Variants in WWOX observed in about 807,000 individuals in gnomAD.
The protein encoded by WWOX is WW domain-containing oxidoreductase.
A neutral mutation model predicts 46.2 loss-of-function variants in WWOX; 69 were observed. That is an observed-to-expected ratio of 1.49 (90% CI 1.23 to 1.82). The LOEUF is 1.82. WWOX is among the 40% of genes most tolerant of loss of function. WWOX has a pLI of 0.00. For missense variants in WWOX, 919 were observed against 542.6 expected, an observed-to-expected ratio of 1.69 and a Z score of -6.89; for synonymous variants, 359 against 202.6, an observed-to-expected ratio of 1.77 and a Z score of -6.56.
intron 8 of WWOX, among the ~76,000 whole-genome samples, chr16:78,876,656 T>C (rs1311665761): frequency 2.0e-5 from 3 of 152,190 alleles, no homozygotes; most frequent in Admixed American, 1.3e-4. Context: ...AGGCAGAAGT[T>C]CTGGCTATTA....
intron 8 of WWOX, among the ~76,000 whole-genome samples, chr16:78,989,597 G>C (rs775202865): frequency 6.6e-6 from 1 of 152,170 alleles, no homozygotes; most frequent in Admixed American, 6.6e-5. Flanking sequence ...TGTGTTTGGG[G>C]ATAAATACTG....
intron 4 of WWOX, among the ~76,000 whole-genome samples, chr16:78,140,229 AC>A (rs1184389315): frequency 6.6e-6 from 1 of 152,032 alleles, no homozygotes; most frequent in Non-Finnish European, 1.5e-5. Context: ...GATACAGTCC[AC>A]CCCCTGCACC....
intron 8 of WWOX, among the ~76,000 whole-genome samples, chr16:78,617,096 A>G (rs980275875): frequency 1.3e-5 from 2 of 152,134 alleles, no homozygotes; most frequent in South Asian, 2.1e-4. Context: ...AACCCTCCAC[A>G]TCAACTGGTC....
rs756921125 is a variant in WWOX, at chr16:78,386,887, C to G, written c.544C>G (p.Leu182Val). 1.9e-5 allele frequency: 31 copies of G among 1,613,954 alleles called. No individual in the cohort carries two copies. The highest frequency in any genetic ancestry group is 2.4e-5 in the Non-Finnish European group (28 of 1,179,996). ...TAAAGCCAAGGTAGAAGCAATGACCCTGGACCTCGCTCTGCTCCGTAGCGT... is the reference window on the plus strand; with the variant it reads ...TAAAGCCAAGGTAGAAGCAATGACCGTGGACCTCGCTCTGCTCCGTAGCGT... The part of the protein sequence containing the change: ...WHKAKVEAMT[L>V]DLALLRSVQH... The change falls in exon 6 of 9, where the codon CTG (leucine) becomes GTG (valine). Residue 182 changes from leucine to valine, a missense_variant. By Grantham distance (32) the Leu-to-Val change is conservative. Coordinates refer to ENST00000566780, the MANE Select transcript of WWOX (RefSeq NM_016373.4).
intron 8 of WWOX, among the ~76,000 whole-genome samples, chr16:79,046,984 C>A (rs771562699): frequency 2.6e-5 from 4 of 152,154 alleles, no homozygotes; most frequent in Non-Finnish European, 5.9e-5. Flanking sequence ...GCTACCTGAC[C>A]CCGTGGTTTA....
intron 8 of WWOX, among the ~76,000 whole-genome samples, chr16:78,772,061 G>C (rs780421677): frequency 1.3e-5 from 2 of 152,016 alleles, no homozygotes; most frequent in African/African-American, 4.8e-5. Context: ...TTTATTTTGG[G>C]TTCAGGGGTA....
chr16:78,874,414 C>T (rs926127083), intron 8 of WWOX, among the ~76,000 whole-genome samples: 6 of 152,068 alleles, frequency 3.9e-5, no homozygotes, highest in African/African-American at 1.2e-4. Context: ...TGTCAAGTCC[C>T]GCTCCCTTGG....
chr16:78,516,288 C>G (rs1400303278), intron 8 of WWOX, among the ~76,000 whole-genome samples: 2 of 152,134 alleles, frequency 1.3e-5, no homozygotes, highest in African/African-American at 4.8e-5. Context: ...TACAAGAACA[C>G]TGTCCTGTTA....
chr16:78,932,428 G>C (rs12928676), intron 8 of WWOX, among the ~76,000 whole-genome samples: 33,456 of 152,124 alleles, frequency 0.22, 3,822 homozygotes, highest in South Asian at 0.29. Context: ...CTGCGTCAGA[G>C]AGTTCTTTTT....
chr16:79,111,984 C>A (rs1226388141), intron 8 of WWOX, among the ~76,000 whole-genome samples: 1 of 152,036 alleles, frequency 6.6e-6, no homozygotes, highest in Non-Finnish European at 1.5e-5. Context: ...CTGTTAAGCA[C>A]CATCCCCAAA....
intron 8 of WWOX, among the ~76,000 whole-genome samples, chr16:79,133,371 G>C (rs373981774): frequency 6.6e-6 from 1 of 152,112 alleles, no homozygotes; most frequent in African/African-American, 2.4e-5. Context: ...CCCAATATCA[G>C]TTCCTTAAAT....
Position 78,278,455 on chromosome 16 carries a change from T to G in WWOX, c.517-108405T>G. On this transcript the variant is annotated intron_variant, in intron 5 of 8. Transcript: ENST00000566780. ...TTGTTGGTGCCAAACTGCAATTAAATAGGAGGTGTTGGAAGAAGGTTTTAT... is the reference window on the plus strand; with the variant it reads ...TTGTTGGTGCCAAACTGCAATTAAAGAGGAGGTGTTGGAAGAAGGTTTTAT... 5.6e-6 allele frequency: 4 copies of G among 720,466 alleles called. No homozygotes were observed. In the Admixed American group the frequency reaches 1.2e-4, roughly 21 times the overall value. 44.6% of individuals were successfully genotyped at this position (720,466 alleles called of 1,614,324 possible). A position where few individuals can be genotyped will look rare whatever the true frequency, so the allele number is the denominator to read the frequency against.
chr16:78,906,646 A>C (rs1340711918), intron 8 of WWOX, among the ~76,000 whole-genome samples: 1 of 152,218 alleles, frequency 6.6e-6, no homozygotes, highest in Non-Finnish European at 1.5e-5. Context: ...GTGATGATAA[A>C]GGTTACTGTT....
intron 8 of WWOX, among the ~76,000 whole-genome samples, chr16:79,000,141 C>G (rs2047065423): frequency 6.6e-6 from 1 of 152,184 alleles, no homozygotes; most frequent in Non-Finnish European, 1.5e-5. Flanking sequence ...TTTGTCCAGA[C>G]ACATTTAACA....
At chr16:78,548,342 G>GA (rs34099700) in intron 8 of WWOX, among the ~76,000 whole-genome samples, 84,436 of 149,448 alleles carry the variant, frequency 0.56, 26,920 homozygotes, top group East Asian at 0.76. Context: ...TGTTCCTAAA[G>GA]AAAAAAAAAA....
intron 8 of WWOX, among the ~76,000 whole-genome samples, chr16:78,683,146 G>C (rs1438180662): frequency 1.3e-5 from 2 of 152,066 alleles, no homozygotes; most frequent in Non-Finnish European, 2.9e-5. Context: ...TTCCAAAAGA[G>C]CAGGTAAGGA....
At chr16:79,128,123 C>T (rs2049798164) in intron 8 of WWOX, among the ~76,000 whole-genome samples, 2 of 152,128 alleles carry the variant, frequency 1.3e-5, no homozygotes, top group South Asian at 4.2e-4. Flanking sequence ...CAGTAAGGAC[C>T]AGGAGAGAAG....
At chr16:78,997,029 G>A (rs772238359) in intron 8 of WWOX, among the ~76,000 whole-genome samples, 25 of 152,210 alleles carry the variant, frequency 1.6e-4, no homozygotes, top group Non-Finnish European at 3.5e-4. Flanking sequence ...CCTGTCTGCT[G>A]ATAGTTGATA....
chr16:78,218,798 T>C (rs1802258976), intron 5 of WWOX, among the ~76,000 whole-genome samples: 1 of 152,264 alleles, frequency 6.6e-6, no homozygotes, highest in South Asian at 2.1e-4. Context: ...CATGTAAGTT[T>C]ACGTGCTATC....
Sources: gnomAD v4.1 joint callset for allele counts (sites outside exome capture counted in the v4.1 genomes callset) on GRCh38, gnomAD v4.1.1 for gene constraint, MANE v1.5 for transcripts, NCBI Gene and HGNC (gene_info 2026-07-23, HGNC 2026-07-21) for gene names.